The following TRMT11 variants were observed in gnomAD, a reference collection of about 807,000 sequenced individuals.
The protein encoded by TRMT11 is tRNA methyltransferase 11, also known as tRNA (guanine(10)-N(2))-methyltransferase TRMT11.
A neutral mutation model predicts 62.8 loss-of-function variants in TRMT11; 53 were observed. That is an observed-to-expected ratio of 0.84 (90% CI 0.68 to 1.06). TRMT11 has a LOEUF of 1.06. Among genes scored for constraint, TRMT11 ranks in the 50% least tolerant of loss-of-function variants. TRMT11 has a pLI of 0.00. For missense variants in TRMT11, 556 were observed against 553.4 expected (o/e 1.00, Z -0.05); for synonymous variants, 188 against 190.3 (o/e 0.99, Z 0.10).
chr6:126,132,403 C>T (rs1777796326), intron 21 of TRMT11, among the ~76,000 whole-genome samples: 1 of 151,994 alleles, frequency 6.6e-6, no homozygotes, highest in Non-Finnish European at 1.5e-5. Context: ...TAACATTATT[C>T]AAGCTGTGCT....
rs545763195 is a variant in TRMT11 at position 126,011,515 on chromosome 6, A to G, written c.925+98A>G. The G allele has an allele frequency of 4.0e-5, 40 of 1,005,276 alleles. No homozygotes were observed. The East Asian group carries it at 9.8e-4, about 25-fold the overall frequency. 62.3% of individuals were successfully genotyped at this position (1,005,276 alleles called of 1,614,324 possible). On this transcript the variant is annotated intron_variant, in intron 9 of 12. Transcript: ENST00000334379. ...TTACCAACACATGCACAAAATGCCA[A>G]CTTGTCAGTATTTCTCCCATCTACC...
chr6:126,083,351 C>T (rs1777179806), intron 17 of TRMT11, among the ~76,000 whole-genome samples: 1 of 152,112 alleles, frequency 6.6e-6, no homozygotes. Context: ...ATATCTTTTG[C>T]TCTGGAAGAT....
At chr6:126,210,519 G>C in the TRMT11 span, among the ~76,000 whole-genome samples, 1 of 152,162 alleles carries the variant, frequency 6.6e-6, no homozygotes, top group African/African-American at 2.4e-5. Flanking sequence ...ATTGATACTT[G>C]ATACAATAGA....
chr6:126,121,074 G>A (rs982804871), intron 21 of TRMT11, among the ~76,000 whole-genome samples: 4 of 152,134 alleles, frequency 2.6e-5, no homozygotes, highest in Admixed American at 2.6e-4. Context: ...CAATTGGTGT[G>A]ATCTCCCCAT....
intron 17 of TRMT11, among the ~76,000 whole-genome samples, chr6:126,106,076 G>A (rs371724216): frequency 2.0e-5 from 3 of 151,858 alleles, no homozygotes; most frequent in Non-Finnish European, 2.9e-5. Context: ...TGGTGTTTCC[G>A]TTTCCACTCC....
the TRMT11 span, among the ~76,000 whole-genome samples, chr6:126,243,792 G>A: frequency 4.6e-5 from 7 of 152,132 alleles, no homozygotes; most frequent in African/African-American, 7.2e-5. Context: ...TGGGGTGGGC[G>A]GAGGTGGGGA....
intron 17 of TRMT11, among the ~76,000 whole-genome samples, chr6:126,103,055 C>T (rs1777420476): frequency 1.3e-5 from 2 of 152,176 alleles, no homozygotes; most frequent in Non-Finnish European, 2.9e-5. Context: ...CTCATCTCTG[C>T]CAAAGCAGGC....
At chr6:126,170,095 A>C (rs1328962270) in intron 21 of TRMT11, among the ~76,000 whole-genome samples, 1 of 151,672 alleles carries the variant, frequency 6.6e-6, no homozygotes, top group Non-Finnish European at 1.5e-5. Flanking sequence ...CTAATTTTCC[A>C]GCTCTCTACT....
downstream of TRMT11, among the ~76,000 whole-genome samples, chr6:126,043,727 CTT>C (rs1775955694): frequency 6.6e-6 from 1 of 150,642 alleles, no homozygotes. Context: ...TGTTTCCTGA[CTT>C]TTTAATGATT....
the TRMT11 span, among the ~76,000 whole-genome samples, chr6:126,266,380 G>A: frequency 3.9e-5 from 6 of 152,142 alleles, no homozygotes; most frequent in South Asian, 2.1e-4. Context: ...GTAACCACTC[G>A]TGTGTGCTAA....
the TRMT11 span, among the ~76,000 whole-genome samples, chr6:126,256,973 C>T: frequency 1.3e-5 from 2 of 152,050 alleles, no homozygotes; most frequent in African/African-American, 4.8e-5. Flanking sequence ...GCAACCTCCA[C>T]CTCCCAGTTT....
chr6:126,228,020 T>A, the TRMT11 span, among the ~76,000 whole-genome samples: 1 of 152,186 alleles, frequency 6.6e-6, no homozygotes. Flanking sequence ...GATCTGTTTT[T>A]TAAAAGTCAC....
chr6:126,156,075 C>CA (rs1778118078), intron 21 of TRMT11, among the ~76,000 whole-genome samples: 1 of 152,172 alleles, frequency 6.6e-6, no homozygotes, highest in Admixed American at 6.5e-5. Flanking sequence ...CCTTTGATTC[C>CA]ATGTCCCTCA....
In TRMT11 at chr6:126,093,631, A is replaced by ATATTTTTTTTTTTT. The variant is rs1554236842; in HGVS notation, c.*1438-19234_*1438-19233insATTTTTTTTTTTTT. 3.6e-4 allele frequency among the ~76,000 whole-genome samples: 35 copies of ATATTTTTTTTTTTT among 98,004 alleles called. 1 individual carries two copies. The highest frequency in any genetic ancestry group is 9.6e-4 in the African/African-American group (22 of 22,916). The allele number at this position is 98,004 out of a possible 152,430, so 64.3% of individuals were successfully genotyped here. A position where few individuals can be genotyped will look rare whatever the true frequency, so the allele number is the denominator to read the frequency against. ...TATATATATATATATATATATATATATTTTCCCCCAGTCCTGGAGGATCAA... is the reference window on the plus strand; with the variant it reads ...TATATATATATATATATATATATATATATTTTTTTTTTTTTTTTCCCCCAGTCCTGGAGGATCAA... On this transcript the variant is annotated intron_variant and NMD_transcript_variant, in intron 17 of 22. Transcript: ENST00000648977.
At chr6:126,143,985 G>A (rs891160182) in intron 21 of TRMT11, among the ~76,000 whole-genome samples, 2 of 152,170 alleles carry the variant, frequency 1.3e-5, no homozygotes, top group African/African-American at 2.4e-5. Flanking sequence ...AGCAATTGAG[G>A]TAGACAGAAA....
chr6:126,109,253 G>T (rs867406579), intron 17 of TRMT11, among the ~76,000 whole-genome samples: 11 of 152,298 alleles, frequency 7.2e-5, no homozygotes, highest in African/African-American at 2.2e-4. Flanking sequence ...AAGGTTTTGG[G>T]AGGGGATGTT....
intron 1 of TRMT11, among the ~76,000 whole-genome samples, chr6:126,186,636 G>A (rs1331216460): frequency 6.6e-6 from 1 of 152,038 alleles, no homozygotes; most frequent in Non-Finnish European, 1.5e-5. Flanking sequence ...AGTTGATTGT[G>A]AAACTACCTT....
downstream of TRMT11, among the ~76,000 whole-genome samples, chr6:126,206,133 G>C (rs865846294): frequency 3.0e-4 from 46 of 152,194 alleles, no homozygotes; most frequent in Non-Finnish European, 3.8e-4. Flanking sequence ...GTCTAACTTC[G>C]AAAATGCTAT....
At chr6:126,071,256 ATCTT>A (rs1269337211) in intron 17 of TRMT11, among the ~76,000 whole-genome samples, 7 of 152,014 alleles carry the variant, frequency 4.6e-5, no homozygotes, top group African/African-American at 1.4e-4. Context: ...ATGCTGATAA[ATCTT>A]TCTAATTAGC....
Sources: allele counts gnomAD v4.1 joint callset (sites outside exome capture counted in the v4.1 genomes callset), GRCh38; gene constraint gnomAD v4.1.1; transcripts MANE v1.5; gene names NCBI Gene and HGNC (gene_info 2026-07-23, HGNC 2026-07-21).